DNAJC6: variants seen among roughly 807,000 people sequenced by gnomAD.
The protein encoded by DNAJC6 is DnaJ heat shock protein family (Hsp40) member C6, also known as auxilin.
A neutral mutation model predicts 110.0 loss-of-function variants in DNAJC6; 34 were observed. That is an observed-to-expected ratio of 0.31 (90% CI 0.24 to 0.41). The LOEUF (loss-of-function observed/expected upper bound fraction) is 0.41. DNAJC6 is among the 10% of genes least tolerant of loss of function. DNAJC6 has a pLI of 1.00. For synonymous variants in DNAJC6, 406 were observed against 437.2 expected (o/e 0.93, Z 0.89); for missense variants, 1,031 against 1,207.8 (o/e 0.85, Z 2.17).
chr1:65,318,840 G>A (rs1465314323), intron 1 of DNAJC6, among the ~76,000 whole-genome samples: 1 of 152,046 alleles, frequency 6.6e-6, no homozygotes, highest in East Asian at 1.9e-4. Context: ...TGCTGCACAT[G>A]TACACCAGAA....
chr1:65,281,546 G>T lies in DNAJC6; in HGVS notation c.-131+16614G>T, dbSNP rs560072722. Among the ~76,000 whole-genome samples, 78 of 152,128 alleles carry T rather than the reference G, an allele frequency of 5.1e-4. 3 individuals are homozygous for T. In the South Asian group the frequency reaches 0.014, roughly 27 times the overall value. Reference sequence around the variant, plus strand: ...CTGGCTGCCTTCACTTAGCGTAGTGGTTATAAAGTTGATGCATGTTGTACC... The same window carrying T: ...CTGGCTGCCTTCACTTAGCGTAGTGTTTATAAAGTTGATGCATGTTGTACC... On this transcript the variant is annotated intron_variant, in intron 1 of 19. Transcript: ENST00000263441.
chr1:65,404,005 A>G (rs1646053110), intron 15 of DNAJC6, among the ~76,000 whole-genome samples: 1 of 152,170 alleles, frequency 6.6e-6, no homozygotes, highest in African/African-American at 2.4e-5. Flanking sequence ...CCAAATTTTA[A>G]AATAAAAAAA....
intron 1 of DNAJC6, among the ~76,000 whole-genome samples, chr1:65,267,382 T>C (rs1653369747): frequency 6.6e-6 from 1 of 152,190 alleles, no homozygotes; most frequent in Non-Finnish European, 1.5e-5. Flanking sequence ...TTTTTCAGAT[T>C]GTGAGTGGTG....
intron 3 of DNAJC6, 50 bp from the exon 4 acceptor site, chr1:65,365,998 G>A: frequency 1.2e-6 from 2 of 1,613,004 alleles, no homozygotes; most frequent in South Asian, 2.2e-5. Flanking sequence ...CATCGTTATA[G>A]CAGACGTAAA....
intron 4 of DNAJC6, among the ~76,000 whole-genome samples, chr1:65,368,710 C>CCTCCTCCTTT (rs1645675076): frequency 7.7e-5 from 4 of 51,922 alleles, no homozygotes; most frequent in African/African-American, 2.1e-4. Flanking sequence ...CCTCCTCCTT[C>CCTCCTCCTTT]TTCTTCCTCT....
chr1:65,271,718 A>C (rs1653512076), intron 1 of DNAJC6, among the ~76,000 whole-genome samples: 1 of 151,860 alleles, frequency 6.6e-6, no homozygotes, highest in Non-Finnish European at 1.5e-5. Flanking sequence ...AGTACAAAAA[A>C]AATTAGCCGG....
chr1:65,321,801 TGA>T (rs1456125403), intron 1 of DNAJC6, among the ~76,000 whole-genome samples: 6 of 152,148 alleles, frequency 3.9e-5, no homozygotes, highest in African/African-American at 1.4e-4. Context: ...TATTGGGACA[TGA>T]GAGAGATTTT....
chr1:65,374,619 A>C (rs1359129999), intron 4 of DNAJC6, among the ~76,000 whole-genome samples: 1 of 152,106 alleles, frequency 6.6e-6, no homozygotes, highest in Non-Finnish European at 1.5e-5. Flanking sequence ...TGATTTATGC[A>C]TGTTGGTTTT....
chr1:65,401,329 C>T (rs1646028595), intron 14 of DNAJC6, among the ~76,000 whole-genome samples: 1 of 152,052 alleles, frequency 6.6e-6, no homozygotes, highest in South Asian at 2.1e-4. Context: ...CTTTTGTTGC[C>T]TGTGATGTTG....
At chr1:65,310,472 G>A (rs1224240819) in intron 1 of DNAJC6, among the ~76,000 whole-genome samples, 2 of 152,216 alleles carry the variant, frequency 1.3e-5, no homozygotes, top group Non-Finnish European at 2.9e-5. Flanking sequence ...TAGGGTTAAT[G>A]TTACCTTTCT....
chr1:65,400,430 T>A (rs1274280871), intron 14 of DNAJC6, among the ~76,000 whole-genome samples: 3 of 152,198 alleles, frequency 2.0e-5, no homozygotes, highest in Non-Finnish European at 4.4e-5. Context: ...GACTTATTCC[T>A]CCTTTCTAGC....
intron 1 of DNAJC6, among the ~76,000 whole-genome samples, chr1:65,302,123 TAAAA>T (rs59460132): frequency 2.7e-4 from 4 of 15,024 alleles, no homozygotes; most frequent in African/African-American, 3.0e-3. Flanking sequence ...TATATATATA[TAAAA>T]AATATATATA....
At chr1:65,332,920 A>T (rs1408579813) in intron 1 of DNAJC6, among the ~76,000 whole-genome samples, 5 of 152,176 alleles carry the variant, frequency 3.3e-5, no homozygotes, top group African/African-American at 1.2e-4. Flanking sequence ...GATTTATAGA[A>T]AATTGGAGGG....
intron 1 of DNAJC6, among the ~76,000 whole-genome samples, chr1:65,330,883 C>G (rs185096285): frequency 1.4e-3 from 207 of 152,358 alleles, no homozygotes; most frequent in African/African-American, 4.8e-3. Context: ...GGGTATTACT[C>G]TCTTCTTCGT....
At chr1:65,270,144 C>T (rs1160943319) in intron 1 of DNAJC6, among the ~76,000 whole-genome samples, 1 of 152,156 alleles carries the variant, frequency 6.6e-6, no homozygotes, top group African/African-American at 2.4e-5. Flanking sequence ...ACACCTGAAT[C>T]ATAAAATCTA....
At chr1:65,272,235 A>G (rs1272209866) in intron 1 of DNAJC6, among the ~76,000 whole-genome samples, 1 of 152,252 alleles carries the variant, frequency 6.6e-6, no homozygotes, top group African/African-American at 2.4e-5. Context: ...GTTACCTTCT[A>G]TTCCTACTGT....
intron 1 of DNAJC6, among the ~76,000 whole-genome samples, chr1:65,277,950 AAATGTTAT>A (rs1401751490): frequency 1.3e-5 from 2 of 152,260 alleles, no homozygotes; most frequent in Non-Finnish European, 1.5e-5. Context: ...AAGGAAAGGT[AAATGTTAT>A]AATTGCATTT....
chr1:65,402,021 C>T (rs767266535), intron 15 of DNAJC6, 141 bp downstream of exon 15: 142 of 1,193,410 alleles, frequency 1.2e-4, no homozygotes, highest in Non-Finnish European at 1.2e-4. Context: ...TCCTCTGAAA[C>T]CTGAGATTGG....
At chr1:65,325,059 C>T (rs1017683713) in intron 1 of DNAJC6, among the ~76,000 whole-genome samples, 5 of 152,178 alleles carry the variant, frequency 3.3e-5, no homozygotes, top group Non-Finnish European at 5.9e-5. Flanking sequence ...GAATTTCTAC[C>T]AGGCTGCAGG....
Sources: allele counts gnomAD v4.1 joint callset (sites outside exome capture counted in the v4.1 genomes callset), GRCh38; gene constraint gnomAD v4.1.1; transcripts MANE v1.5; gene names NCBI Gene and HGNC (gene_info 2026-07-23, HGNC 2026-07-21).